The following ARHGEF1 variants were observed in gnomAD, a reference collection of about 807,000 sequenced individuals.
The protein encoded by ARHGEF1 is Rho guanine nucleotide exchange factor 1.
A neutral mutation model predicts 119.7 loss-of-function variants in ARHGEF1; 40 were observed. That is an observed-to-expected ratio of 0.33 (90% CI 0.26 to 0.44). The LOEUF is 0.44. Among genes scored for constraint, ARHGEF1 ranks in the 20% least tolerant of loss-of-function variants. ARHGEF1 has a pLI of 1.00. For synonymous variants in ARHGEF1, 494 were observed against 521.0 expected (o/e 0.95, Z 0.71); for missense variants, 976 against 1,268.3 (o/e 0.77, Z 3.50).
chr19:41,907,476 TG>T, downstream of ARHGEF1: 1 of 1,436,666 alleles, frequency 7.0e-7, no homozygotes, highest in African/African-American at 1.4e-5. Flanking sequence ...GATGGCGGGG[TG>T]GGGCCTGGCA....
At chr19:41,914,811 C>T (rs797041994) in intron 18 of ARHGEF1, among the ~76,000 whole-genome samples, 20 of 22,646 alleles carry the variant, frequency 8.8e-4, no homozygotes, top group South Asian at 1.9e-3. Flanking sequence ...CTCCCTCCCC[C>T]TCCACCGTGT....
Position 41,906,688 on chromosome 19 carries a change from C to T in ARHGEF1, c.2656-15C>T. On this transcript the variant is annotated splice_polypyrimidine_tract_variant and intron_variant, in intron 27 of 28. Coordinates refer to ENST00000354532, the MANE Select transcript of ARHGEF1 (RefSeq NM_004706.4). This position sits in a 1 kb window ranked among gnomAD's most constrained non-coding sequence, Gnocchi z 4.5. ...AGGAAGGGGCCCCCCTCATCCATGA[C>T]CCCCACCCCACCAGGAGTTGGAGGA... 1 of 1,605,078 alleles carries T rather than the reference C, an allele frequency of 6.2e-7. No homozygotes were observed. The highest frequency in any genetic ancestry group is 8.5e-7 in the Non-Finnish European group (1 of 1,176,328).
In ARHGEF1 at chr19:41,905,404, C is replaced by T. The variant is rs113199223; in HGVS notation, c.2336+143C>T. On this transcript the variant is annotated intron_variant, in intron 24 of 28. Coordinates refer to ENST00000354532, the MANE Select transcript of ARHGEF1 (RefSeq NM_004706.4). The surrounding 1 kb of genome is among the most constrained non-coding windows in gnomAD (Gnocchi z 6.4). ...GTGTGTGCATACATGTGTGTCTGTA[C>T]GCAAGTATGTGACTGTGCGTGCATA... 1.5e-4 allele frequency: 111 copies of T among 733,120 alleles called. No individual in the cohort carries two copies. The South Asian group carries it at 1.7e-3, about 11-fold the overall frequency. 45.4% of individuals were successfully genotyped at this position (733,120 alleles called of 1,614,324 possible).
rs952742037 is a variant in ARHGEF1, at chr19:41,905,344, C to T, written c.2336+83C>T. ...AGGCTTCCCTCCACAACTCCAGAAC[C>T]GTCTCTGTGTGAGCATGCACATGTG... is the stretch of plus-strand genomic sequence containing the variant. On this transcript the variant is annotated intron_variant, in intron 24 of 28. Coordinates refer to ENST00000354532, the MANE Select transcript of ARHGEF1 (RefSeq NM_004706.4). The surrounding 1 kb of genome is among the most constrained non-coding windows in gnomAD (Gnocchi z 6.4). The T allele has an allele frequency of 1.4e-5, 18 of 1,251,946 alleles. 1 individual carries two copies. Among genetic ancestry groups the T allele is most frequent in the South Asian group, 6.9e-5 (5 of 72,348 alleles). 77.6% of individuals were successfully genotyped at this position (1,251,946 alleles called of 1,614,324 possible).
chr19:41,891,445 G>A (rs538318893), intron 4 of ARHGEF1, among the ~76,000 whole-genome samples: 1 of 152,128 alleles, frequency 6.6e-6, no homozygotes, highest in African/African-American at 2.4e-5. Context: ...CACCACACCC[G>A]ACTAATTTTT....
downstream of ARHGEF1, chr19:41,909,300 T>C: frequency 8.1e-7 from 1 of 1,234,676 alleles, no homozygotes; most frequent in East Asian, 3.2e-5. The surrounding 1 kb of genome is among the most constrained non-coding windows in gnomAD (Gnocchi z 5.2). Flanking sequence ...GAGGAGCATC[T>C]GGCCCTGGGG....
At chr19:41,894,568 G>C (rs782453909) in intron 10 of ARHGEF1, 21 bp downstream of exon 10, 1 of 1,613,904 alleles carries the variant, frequency 6.2e-7, no homozygotes, top group South Asian at 1.1e-5. Flanking sequence ...TCTGGCCTCT[G>C]CCCTCCCCTG....
At chr19:41,912,970 G>A (rs2074762728) in intron 18 of ARHGEF1, 8 of 999,726 alleles carry the variant, frequency 8.0e-6, no homozygotes, top group Non-Finnish European at 9.0e-6. Context: ...GACGGGGTGG[G>A]CAGGAGAGAC....
chr19:41,892,346 G>A lies in ARHGEF1; in HGVS notation c.340G>A (p.Val114Ile). The A allele has an allele frequency of 6.2e-7, 1 of 1,614,030 alleles. No individual in the cohort carries two copies. The highest frequency in any genetic ancestry group is 8.5e-7 in the Non-Finnish European group (1 of 1,180,028). The change falls in exon 6 of 29, where the codon GTC becomes ATC. Residue 114 changes from valine (V) to isoleucine (I), a missense_variant. Around this residue, in one of 3 missense-constraint regions of ARHGEF1, gnomAD observed 519 missense variants for 580.9 expected, o/e 0.89. Transcript: ENST00000354532. This position sits in a 1 kb window ranked among gnomAD's most constrained non-coding sequence, Gnocchi z 6.3. ...LEKTAVLRVP[V>I]PPNVAFELDR... is the part of the protein sequence containing the mutation. ...TCTTGAGCAGGTTCTCCGGGTGCCGGTCCCTCCCAACGTCGCCTTTGAACT... is the reference window on the plus strand; with the variant it reads ...TCTTGAGCAGGTTCTCCGGGTGCCGATCCCTCCCAACGTCGCCTTTGAACT...
Position 41,906,273 on chromosome 19 carries a change from G to T in ARHGEF1, c.2492-184G>T. Reference sequence around the variant, plus strand: ...TCTGTCTTCAGTACCTTCCTGCCCTGTCCCAACCCTAAACCCAGCCTCACT... The same window carrying T: ...TCTGTCTTCAGTACCTTCCTGCCCTTTCCCAACCCTAAACCCAGCCTCACT... On this transcript the variant is annotated intron_variant, in intron 26 of 28. Transcript: ENST00000354532. This position sits in a 1 kb window ranked among gnomAD's most constrained non-coding sequence, Gnocchi z 4.5. 1 of 685,940 alleles carries T rather than the reference G, an allele frequency of 1.5e-6. No homozygotes were observed. Among genetic ancestry groups the T allele is most frequent in the Non-Finnish European group, 2.5e-6 (1 of 404,244 alleles). 42.5% of individuals were successfully genotyped at this position (685,940 alleles called of 1,614,324 possible). A position where few individuals can be genotyped will look rare whatever the true frequency, so the allele number is the denominator to read the frequency against.
rs370847383 is a variant in ARHGEF1, at chr19:41,916,071, C to T, written c.1866-7021C>T. Among the ~76,000 whole-genome samples, 11 of 151,930 alleles carry T rather than the reference C, an allele frequency of 7.2e-5. No homozygotes were observed. In the East Asian group the frequency reaches 7.7e-4, roughly 11 times the overall value. ...GCAGCCATGGCACCGAATGTGTGTG[C>T]GCATGTGAGCGAAGCGGTGTGCAGA... is the stretch of plus-strand genomic sequence containing the variant. On this transcript the variant is annotated intron_variant, in intron 18 of 20. Transcript: ENST00000599589. The surrounding 1 kb of genome is among the most constrained non-coding windows in gnomAD (Gnocchi z 5.4).
chr19:41,924,902 G>T (rs2074862608), intron 1 of ARHGEF1, among the ~76,000 whole-genome samples: 1 of 152,150 alleles, frequency 6.6e-6, no homozygotes, highest in Non-Finnish European at 1.5e-5. Flanking sequence ...GTGTGGTGGT[G>T]ACAAGCTGCA....
At chr19:41,898,032 G>A (rs1046975296) in intron 13 of ARHGEF1, 33 of 1,337,776 alleles carry the variant, frequency 2.5e-5, no homozygotes, top group East Asian at 1.8e-4. Context: ...GCTAAGGGCC[G>A]GGGTGGGGGC....
intron 1 of ARHGEF1, among the ~76,000 whole-genome samples, chr19:41,885,448 A>G (rs1444570191): frequency 7.4e-6 from 1 of 134,256 alleles, no homozygotes; most frequent in Non-Finnish European, 1.7e-5. Flanking sequence ...TCTCTGTTTT[A>G]TTTTGTTTTA....
chr19:41,884,311 C>A, intron 1 of ARHGEF1: 1 of 1,087,616 alleles, frequency 9.2e-7, no homozygotes, highest in Non-Finnish European at 1.3e-6. Context: ...GGAGTAGAGT[C>A]GTCGGGGCCG....
At chr19:41,928,805 TCTC>T (rs1313738623) in intron 1 of ARHGEF1, 4 of 420,516 alleles carry the variant, frequency 9.5e-6, no homozygotes, top group Middle Eastern at 4.4e-4. Flanking sequence ...CCCCTTCCCT[TCTC>T]CTCCGCCCCG....
At chr19:41,907,857 G>T (rs918988812), downstream of ARHGEF1, 4 of 212,372 alleles carry the variant, frequency 1.9e-5, no homozygotes, top group Non-Finnish European at 3.6e-5. Context: ...CCTATATGGG[G>T]GGGGTGTCAG....
Position 41,903,284 on chromosome 19 carries a change from G to A in ARHGEF1, c.1739-23G>A, listed in dbSNP as rs2074635001. On this transcript the variant is annotated intron_variant, in intron 18 of 28. Coordinates refer to ENST00000354532, the MANE Select transcript of ARHGEF1 (RefSeq NM_004706.4). The surrounding 1 kb of genome is among the most constrained non-coding windows in gnomAD (Gnocchi z 4.2). The stretch of plus-strand genomic sequence containing the variant: ...GCCTCCAGGGCAGGGGTTCACCAGA[G>A]CTGCTCTCTCCCTTGCCTGCAGAAG... 3 of 1,609,888 alleles carry A rather than the reference G, an allele frequency of 1.9e-6. No homozygotes were observed. In the Admixed American group the frequency reaches 5.0e-5, roughly 27 times the overall value.
intron 11 of ARHGEF1, 48 bp downstream of exon 11, chr19:41,894,709 G>A (rs2074448361): frequency 1.1e-5 from 18 of 1,609,676 alleles, no homozygotes; most frequent in Non-Finnish European, 1.4e-5. Flanking sequence ...CTGTGTGGGA[G>A]AGGCTAGGAC....
Sources: allele counts gnomAD v4.1 joint callset (sites outside exome capture counted in the v4.1 genomes callset), GRCh38; gene constraint gnomAD v4.1.1; regional missense constraint gnomAD v4.1.1; non-coding constraint Gnocchi (gnomAD v3.1); transcripts MANE v1.5; gene names NCBI Gene and HGNC (gene_info 2026-07-23, HGNC 2026-07-21).